Variants in LTBP1 observed in about 807,000 individuals in gnomAD.
The protein encoded by LTBP1 is latent transforming growth factor beta binding protein 1, also known as latent-transforming growth factor beta-binding protein 1.
LTBP1 carries 129 observed loss-of-function variants against 207.6 expected under a neutral mutation model. That is an observed-to-expected ratio of 0.62 (90% CI 0.54 to 0.72). The LOEUF is 0.72. Among genes scored for constraint, LTBP1 ranks in the 30% least tolerant of loss-of-function variants. The probability of loss-of-function intolerance (pLI) is 0.00; values close to 1 mark genes in which losing one functional copy is unlikely to be tolerated. For missense variants in LTBP1, 2,281 were observed against 2,217.2 expected, an observed-to-expected ratio of 1.03 and a Z score of -0.58; for synonymous variants, 963 against 833.7, an observed-to-expected ratio of 1.16 and a Z score of -2.67.
chr2:33,262,636 A>G, intron 13 of LTBP1, 86 bp from the exon 14 acceptor site: 1 of 591,094 alleles, frequency 1.7e-6, no homozygotes, highest in Non-Finnish European at 2.9e-6. Context: ...AATTACATAA[A>G]AATAGTAATA....
chr2:33,088,404 A>T (rs1011733174), intron 3 of LTBP1, among the ~76,000 whole-genome samples: 1 of 152,132 alleles, frequency 6.6e-6, no homozygotes, highest in African/African-American at 2.4e-5. Context: ...GTGAGCCGAG[A>T]TCATGCCACT....
chr2:33,033,197 C>T (rs1251736922), intron 3 of LTBP1, among the ~76,000 whole-genome samples: 1 of 151,688 alleles, frequency 6.6e-6, no homozygotes, highest in Non-Finnish European at 1.5e-5. Flanking sequence ...AATGTTTCTT[C>T]CATCATTTCT....
At chr2:33,288,553 G>A (rs572093094) in intron 19 of LTBP1, among the ~76,000 whole-genome samples, 128 of 152,142 alleles carry the variant, frequency 8.4e-4, no homozygotes, top group African/African-American at 2.4e-3. Context: ...TCATTTCCCC[G>A]CAAAAAGAAA....
At chr2:33,240,687 G>A (rs1407991778) in intron 9 of LTBP1, among the ~76,000 whole-genome samples, 2 of 117,242 alleles carry the variant, frequency 1.7e-5, no homozygotes, top group Non-Finnish European at 3.2e-5. Flanking sequence ...GTCTTGCTCT[G>A]TCGCCCAGGC....
chr2:33,043,089 G>A (rs549592676), intron 3 of LTBP1, among the ~76,000 whole-genome samples: 1 of 152,276 alleles, frequency 6.6e-6, no homozygotes, highest in East Asian at 1.9e-4. Flanking sequence ...TCCCCAAACG[G>A]CTGTGAACCG....
chr2:33,216,978 G>T (rs2090761821), intron 7 of LTBP1, among the ~76,000 whole-genome samples: 1 of 152,154 alleles, frequency 6.6e-6, no homozygotes, highest in African/African-American at 2.4e-5. Context: ...TGACCTCCCT[G>T]GGTCAGAATA....
chr2:33,087,829 A>G (rs754798691), intron 3 of LTBP1, among the ~76,000 whole-genome samples: 5 of 152,232 alleles, frequency 3.3e-5, no homozygotes, highest in Non-Finnish European at 7.3e-5. Flanking sequence ...TTTATGAGCC[A>G]TACCATCATG....
chr2:33,098,845 A>G (rs2079546171), intron 3 of LTBP1, among the ~76,000 whole-genome samples: 1 of 152,176 alleles, frequency 6.6e-6, no homozygotes, highest in East Asian at 1.9e-4. Flanking sequence ...GCCTCAGAGC[A>G]AGGCTCTCCT....
intron 7 of LTBP1, among the ~76,000 whole-genome samples, chr2:33,200,476 G>C (rs897909314): frequency 1.1e-4 from 16 of 152,084 alleles, no homozygotes; most frequent in South Asian, 4.1e-4. Flanking sequence ...AAAATTAATT[G>C]AAGATGGATT....
At chr2:33,018,521 C>T (rs1688704423) in intron 2 of LTBP1, among the ~76,000 whole-genome samples, 1 of 152,156 alleles carries the variant, frequency 6.6e-6, no homozygotes, top group Non-Finnish European at 1.5e-5. Context: ...CCAGCTCAGT[C>T]CTTGCTGTGG....
At chr2:33,096,511 A>G (rs980747264) in intron 3 of LTBP1, among the ~76,000 whole-genome samples, 4 of 152,200 alleles carry the variant, frequency 2.6e-5, no homozygotes, top group Non-Finnish European at 2.9e-5. Flanking sequence ...TTGGGATCTC[A>G]AGAATTGTGA....
intron 10 of LTBP1, among the ~76,000 whole-genome samples, chr2:33,248,032 T>G (rs1022661563): frequency 6.6e-6 from 1 of 152,248 alleles, no homozygotes; most frequent in African/African-American, 2.4e-5. Context: ...CTTCATAATT[T>G]ATCTTATGCC....
chr2:33,139,633 T>C (rs1324130307), intron 5 of LTBP1, among the ~76,000 whole-genome samples: 1 of 152,152 alleles, frequency 6.6e-6, no homozygotes, highest in Admixed American at 6.5e-5. Context: ...AGTAGATAAA[T>C]GCAGATGGCC....
chr2:32,947,893 C>A, intron 1 of LTBP1, 75 bp downstream of exon 1: 1 of 1,210,902 alleles, frequency 8.3e-7, no homozygotes, highest in Non-Finnish European at 1.0e-6. Flanking sequence ...GGGGTCAGGG[C>A]CACTCGGAGC....
intron 3 of LTBP1, among the ~76,000 whole-genome samples, chr2:33,098,606 A>G (rs74997783): frequency 7.0e-6 from 1 of 143,040 alleles, no homozygotes; most frequent in African/African-American, 2.6e-5. Context: ...TGAATTTTGT[A>G]TTTTTTTTTT....
chr2:33,144,264 G>C (rs1403136008), intron 5 of LTBP1, among the ~76,000 whole-genome samples: 4 of 152,134 alleles, frequency 2.6e-5, no homozygotes, highest in Non-Finnish European at 5.9e-5. Context: ...TGGTGCTCCG[G>C]TAGGAGCGCA....
intron 24 of LTBP1, among the ~76,000 whole-genome samples, chr2:33,341,578 G>A (rs1573924954): frequency 6.6e-6 from 1 of 151,492 alleles, no homozygotes; most frequent in Non-Finnish European, 1.5e-5. Flanking sequence ...AGGCGTGGTG[G>A]CGAGTGCCTG....
At chr2:33,022,330 A>C (rs566265424) in intron 3 of LTBP1, among the ~76,000 whole-genome samples, 1 of 129,608 alleles carries the variant, frequency 7.7e-6, no homozygotes, top group Admixed American at 9.4e-5. Context: ...ATAATACTTC[A>C]GTTCTATTGT....
intron 3 of LTBP1, among the ~76,000 whole-genome samples, chr2:33,074,529 G>T (rs1558599661): frequency 6.6e-6 from 1 of 152,106 alleles, no homozygotes; most frequent in Admixed American, 6.5e-5. Context: ...TTGAGGTCAA[G>T]AGTTCGAGAC....
Sources: gnomAD v4.1 joint callset for allele counts (sites outside exome capture counted in the v4.1 genomes callset) on GRCh38, gnomAD v4.1.1 for gene constraint, MANE v1.5 for transcripts, NCBI Gene and HGNC (gene_info 2026-07-23, HGNC 2026-07-21) for gene names.